The following LRGUK variants were observed in gnomAD, a reference collection of about 807,000 sequenced individuals.
The protein encoded by LRGUK is leucine-rich repeat and guanylate kinase domain-containing protein.
Under a neutral mutation model 76.0 loss-of-function variants are expected in LRGUK, and 65 were observed. The ratio of observed to expected loss-of-function variants is 0.85; its 90% CI spans 0.70 to 1.05. The LOEUF (loss-of-function observed/expected upper bound fraction) is 1.05. LRGUK is among the 50% of genes least tolerant of loss of function. LRGUK has a pLI of 0.00. For missense variants in LRGUK, 758 were observed against 732.8 expected, an observed-to-expected ratio of 1.03 and a Z score of -0.40; for synonymous variants, 268 against 265.6, an observed-to-expected ratio of 1.01 and a Z score of -0.09.
chr7:134,223,311 C>T (rs796919661), intron 16 of LRGUK, among the ~76,000 whole-genome samples: 17 of 152,278 alleles, frequency 1.1e-4, no homozygotes, highest in African/African-American at 4.1e-4. Context: ...AGAATCTACC[C>T]AGCCCAGCTT....
In LRGUK at chr7:134,223,693, A is replaced by C. The variant is rs1324748130; in HGVS notation, c.1983+1775A>C. Among the ~76,000 whole-genome samples the C allele has an allele frequency of 3.9e-4, 59 of 152,168 alleles. 1 individual carries two copies. Among genetic ancestry groups the C allele is most frequent in the Admixed American group, 3.9e-3 (59 of 15,280 alleles). On this transcript the variant is annotated intron_variant, in intron 16 of 19. Transcript: ENST00000285928. ...CATAACCACCATGGTTGACATGGAG[A>C]TGCTTTTCATCTAAGGCACTGAATC...
chr7:134,152,884 A>G (rs1435037020), intron 5 of LRGUK, among the ~76,000 whole-genome samples: 3 of 152,114 alleles, frequency 2.0e-5, no homozygotes, highest in Non-Finnish European at 4.4e-5. Flanking sequence ...AGCATATCAT[A>G]CAGTAGAGAA....
downstream of LRGUK, among the ~76,000 whole-genome samples, chr7:134,212,335 A>C (rs1333681767): frequency 6.6e-6 from 1 of 152,254 alleles, no homozygotes; most frequent in African/African-American, 2.4e-5. Context: ...GACTCTTAAA[A>C]AGCTGCAAGA....
downstream of LRGUK, among the ~76,000 whole-genome samples, chr7:134,212,064 A>C (rs1361750377): frequency 6.6e-6 from 1 of 152,234 alleles, no homozygotes; most frequent in African/African-American, 2.4e-5. Context: ...GGTTACCAGC[A>C]GCTCTCAAGC....
At chr7:134,212,781 G>A (rs1585565119), downstream of LRGUK, among the ~76,000 whole-genome samples, 1 of 152,340 alleles carries the variant, frequency 6.6e-6, no homozygotes, top group South Asian at 2.1e-4. Flanking sequence ...GATACTTCAA[G>A]AAGCTTTGTC....
intron 10 of LRGUK, among the ~76,000 whole-genome samples, chr7:134,180,129 G>A (rs778983827): frequency 1.3e-5 from 2 of 152,132 alleles, no homozygotes; most frequent in Non-Finnish European, 2.9e-5. Flanking sequence ...TCCCAAATCT[G>A]GAATCAGCCT....
intron 1 of LRGUK, among the ~76,000 whole-genome samples, chr7:134,135,855 A>AT (rs752061038): frequency 5.9e-5 from 9 of 152,126 alleles, no homozygotes; most frequent in Non-Finnish European, 1.0e-4. Flanking sequence ...ACGGGGTTTC[A>AT]CCGTGTTAGC....
chr7:134,179,598 G>A (rs558077410), intron 10 of LRGUK, among the ~76,000 whole-genome samples: 2 of 152,124 alleles, frequency 1.3e-5, no homozygotes, highest in East Asian at 3.9e-4. Flanking sequence ...TTCAAAAGAG[G>A]GGCATTTATC....
exon 16 of LRGUK, chr7:134,210,117 G>A (rs1423000878): frequency 1.0e-5 from 4 of 399,344 alleles, no homozygotes; most frequent in African/African-American, 8.2e-5. Context: ...GGGACGGCTA[G>A]AGGACTGGCA....
At chr7:134,247,733 A>G in intron 17 of LRGUK, 89 bp downstream of exon 17, 1 of 976,594 alleles carries the variant, frequency 1.0e-6, no homozygotes, top group Non-Finnish European at 1.6e-6. Flanking sequence ...ATAAACAGAG[A>G]CCTCTGTCCT....
At chr7:134,210,377 GAA>G (rs1801203189), downstream of LRGUK, 8 of 397,602 alleles carry the variant, frequency 2.0e-5, 1 homozygote, top group South Asian at 8.5e-4. Context: ...CCAATTACAA[GAA>G]GATTAAAAAA....
At chr7:134,208,315 T>C (rs1406156310) in intron 15 of LRGUK, among the ~76,000 whole-genome samples, 1 of 152,216 alleles carries the variant, frequency 6.6e-6, no homozygotes, top group African/African-American at 2.4e-5. Flanking sequence ...CTGGCTTGGA[T>C]GTCCATCCTC....
At chr7:134,199,186 G>T in intron 13 of LRGUK, 34 bp from the exon 14 acceptor site, 2 of 1,574,792 alleles carry the variant, frequency 1.3e-6, no homozygotes, top group South Asian at 2.2e-5. Flanking sequence ...TCATGTATCT[G>T]TTTCCAATTT....
At chr7:134,247,581 A>G in exon 17 of LRGUK, 2 of 1,613,840 alleles carry the variant, frequency 1.2e-6, no homozygotes, top group Non-Finnish European at 1.7e-6. Context: ...CACAGACAGC[A>G]CGAGGCAGCC....
chr7:134,157,610 C>T (rs1798535384), intron 5 of LRGUK, among the ~76,000 whole-genome samples: 2 of 152,232 alleles, frequency 1.3e-5, no homozygotes, highest in South Asian at 4.1e-4. Flanking sequence ...GCAAGCTCCG[C>T]CTCCCGGGTT....
intron 19 of LRGUK, among the ~76,000 whole-genome samples, chr7:134,261,494 T>C (rs1300590857): frequency 6.6e-6 from 1 of 152,190 alleles, no homozygotes; most frequent in Non-Finnish European, 1.5e-5. Flanking sequence ...GCATGTGACC[T>C]CTGCCTATGT....
intron 19 of LRGUK, among the ~76,000 whole-genome samples, chr7:134,258,618 G>A (rs2117226131): frequency 6.6e-6 from 1 of 151,782 alleles, no homozygotes; most frequent in East Asian, 1.9e-4. Flanking sequence ...AGAATTGCTT[G>A]AACCCAGGAG....
rs762216048 is a variant in LRGUK at position 134,173,810 on chromosome 7, A to G, written c.940-746A>G. On this transcript the variant is annotated intron_variant, in intron 7 of 15. Coordinates refer to ENST00000645682, the Ensembl canonical transcript of LRGUK. ...GTTGGAAAAAGTGATAAAGCCATAT[A>G]TGTACATGCAGTAAGAAGGCTTTGG... Among the ~76,000 whole-genome samples, 11 of 152,310 alleles carry G rather than the reference A, an allele frequency of 7.2e-5. 1 individual carries two copies. The South Asian group carries it at 1.7e-3, about 23-fold the overall frequency.
chr7:134,248,974 C>T (rs1416045716), exon 18 of LRGUK: 3 of 1,556,898 alleles, frequency 1.9e-6, no homozygotes, highest in Admixed American at 1.8e-5. Flanking sequence ...GCACCTCTCA[C>T]CAGTGGTCTA....
Sources: gnomAD v4.1 joint callset for allele counts (sites outside exome capture counted in the v4.1 genomes callset) on GRCh38, gnomAD v4.1.1 for gene constraint, MANE v1.5 for transcripts, NCBI Gene and HGNC (gene_info 2026-07-23, HGNC 2026-07-21) for gene names.